Variants in UQCC1 observed in about 807,000 individuals in gnomAD.
UQCC1 encodes bFGF-repressed Zic-binding protein.
UQCC1 carries 38 observed loss-of-function variants against 48.0 expected under a neutral mutation model. The ratio of observed to expected loss-of-function variants is 0.79; its 90% CI spans 0.61 to 1.04. The LOEUF (loss-of-function observed/expected upper bound fraction) is 1.04. UQCC1 is among the 50% of genes least tolerant of loss of function. UQCC1 has a pLI of 0.00. For missense variants in UQCC1, 368 were observed against 381.8 expected, an observed-to-expected ratio of 0.96 and a Z score of 0.30; for synonymous variants, 111 against 129.2, an observed-to-expected ratio of 0.86 and a Z score of 0.95.
At chr20:35,398,648 A>G (rs2062115615) in intron 1 of UQCC1, among the ~76,000 whole-genome samples, 1 of 150,176 alleles carries the variant, frequency 6.7e-6, no homozygotes, top group Non-Finnish European at 1.5e-5. Context: ...GTTTTGTTTT[A>G]CAAACACTGA....
At chr20:35,322,134 T>G (rs2061138018) in intron 7 of UQCC1, among the ~76,000 whole-genome samples, 1 of 152,194 alleles carries the variant, frequency 6.6e-6, no homozygotes, top group Non-Finnish European at 1.5e-5. Context: ...CTTTTTGTAG[T>G]ATTCCACATG....
intron 6 of UQCC1, among the ~76,000 whole-genome samples, chr20:35,361,141 C>G (rs1192325659): frequency 6.6e-6 from 1 of 151,926 alleles, no homozygotes; most frequent in Non-Finnish European, 1.5e-5. Context: ...GTGAAGCAAG[C>G]AGGTCATTCC....
intron 6 of UQCC1, among the ~76,000 whole-genome samples, chr20:35,351,041 TCAAAA>T (rs2061484918): frequency 6.7e-6 from 1 of 148,722 alleles, no homozygotes; most frequent in Non-Finnish European, 1.5e-5. Context: ...GACTCTTGTC[TCAAAA>T]CAAAAAAACA....
In UQCC1 at chr20:35,347,153, C is replaced by G; in HGVS notation, c.573+11G>C. On this transcript the variant is annotated intron_variant, in intron 7 of 9. Coordinates refer to ENST00000374385, the MANE Select transcript of UQCC1 (RefSeq NM_018244.5). The stretch of plus-strand genomic sequence containing the variant: ...ATTGTCCAGGACAAGCATCTGACAG[C>G]ACTCACTTACCCCCATGACTCTGCC... The G allele has an allele frequency of 6.2e-7, 1 of 1,614,166 alleles. No homozygotes were observed. The highest frequency in any genetic ancestry group is 1.3e-5 in the African/African-American group (1 of 75,032).
chr20:35,404,003 C>G (rs1164834309), intron 1 of UQCC1, among the ~76,000 whole-genome samples: 4 of 151,924 alleles, frequency 2.6e-5, no homozygotes, highest in African/African-American at 9.7e-5. Flanking sequence ...TTTGGGAGGC[C>G]GAGGAGGGCG....
At chr20:35,336,847 G>C (rs1430238257) in intron 7 of UQCC1, among the ~76,000 whole-genome samples, 1 of 152,128 alleles carries the variant, frequency 6.6e-6, no homozygotes, top group East Asian at 1.9e-4. Context: ...CTTGTAAAGT[G>C]CATGAAAAAA....
intron 6 of UQCC1, among the ~76,000 whole-genome samples, chr20:35,364,332 G>A (rs2146434739): frequency 6.6e-6 from 1 of 152,252 alleles, no homozygotes; most frequent in Non-Finnish European, 1.5e-5. Flanking sequence ...CTGTGTCTTG[G>A]GCACAGCATT....
intron 6 of UQCC1, among the ~76,000 whole-genome samples, chr20:35,348,535 G>A (rs6142351): frequency 0.52 from 79,284 of 151,804 alleles, 22,362 homozygotes; most frequent in East Asian, 0.71. Context: ...GACTACAGGC[G>A]CCTGCCACCA....
chr20:35,331,422 G>A (rs1160149098), intron 7 of UQCC1, among the ~76,000 whole-genome samples: 1 of 150,666 alleles, frequency 6.6e-6, no homozygotes, highest in African/African-American at 2.4e-5. Flanking sequence ...AAAAAGCTAC[G>A]GTGAACAGAG....
intron 1 of UQCC1, among the ~76,000 whole-genome samples, chr20:35,397,988 A>G (rs1372324548): frequency 1.3e-5 from 2 of 152,210 alleles, no homozygotes; most frequent in Non-Finnish European, 2.9e-5. Flanking sequence ...AAACTTCACA[A>G]TCACCACTCA....
intron 1 of UQCC1, among the ~76,000 whole-genome samples, chr20:35,400,093 T>G (rs2062140962): frequency 6.6e-6 from 1 of 151,844 alleles, no homozygotes. Flanking sequence ...GCCCAGCTAA[T>G]TTTTGTATTT....
chr20:35,355,120 A>ACAG (rs1455004189), intron 6 of UQCC1, among the ~76,000 whole-genome samples: 1 of 152,190 alleles, frequency 6.6e-6, no homozygotes, highest in African/African-American at 2.4e-5. Context: ...ACCCACCTAG[A>ACAG]CAGGGACAGA....
chr20:35,377,842 A>C (rs2061820150), intron 4 of UQCC1, among the ~76,000 whole-genome samples: 1 of 152,226 alleles, frequency 6.6e-6, no homozygotes, highest in Non-Finnish European at 1.5e-5. Flanking sequence ...ATTCATCACA[A>C]ACAATGAAGA....
chr20:35,366,607 C>T lies in UQCC1; in HGVS notation c.414G>A (p.Gln138=), dbSNP rs761769644. 1 of 1,613,672 alleles carries T rather than the reference C, an allele frequency of 6.2e-7. No homozygotes were observed. Among genetic ancestry groups the T allele is most frequent in the Non-Finnish European group, 8.5e-7 (1 of 1,179,676 alleles). ...ACCATGAATTGAATGTATCAGGCATCTGACACCCTAGAAAATAACAATAAG... is the reference window on the plus strand; with the variant it reads ...ACCATGAATTGAATGTATCAGGCATTTGACACCCTAGAAAATAACAATAAG... ...TDFEEFFLRC[Q]MPDTFNSWFL... is the part of the protein sequence containing the mutation. Residue 138 remains glutamine, a synonymous_variant, in exon 6 of 10, where the codon CAG becomes CAA. Transcript: ENST00000374385.
intron 6 of UQCC1, among the ~76,000 whole-genome samples, chr20:35,365,376 T>G (rs1455540053): frequency 1.3e-5 from 2 of 152,118 alleles, no homozygotes; most frequent in Non-Finnish European, 2.9e-5. Context: ...TAGCATAGGC[T>G]GGGCACGGTG....
chr20:35,360,370 C>G (rs1446074918), intron 6 of UQCC1, among the ~76,000 whole-genome samples: 2 of 152,192 alleles, frequency 1.3e-5, no homozygotes, highest in African/African-American at 4.8e-5. Flanking sequence ...GTGCAGTTCT[C>G]TGGCTGCGCT....
intron 7 of UQCC1, among the ~76,000 whole-genome samples, chr20:35,338,856 GAAAAAA>G (rs1172467457): frequency 7.5e-4 from 20 of 26,836 alleles, no homozygotes; most frequent in African/African-American, 5.0e-3. Flanking sequence ...CGTCTCAAAA[GAAAAAA>G]AAAAAAAAAA....
chr20:35,360,833 G>A (rs888194434), intron 6 of UQCC1, among the ~76,000 whole-genome samples: 7 of 152,158 alleles, frequency 4.6e-5, no homozygotes, highest in Non-Finnish European at 8.8e-5. Flanking sequence ...AATGTTTGCT[G>A]TGCTCATATG....
rs1283902223 is a variant in UQCC1 at position 35,306,869 on chromosome 20, T to C, written c.652-90A>G. 8 of 1,040,332 alleles carry C rather than the reference T, an allele frequency of 7.7e-6. 1 individual carries two copies. The highest frequency in any genetic ancestry group is 2.6e-5 in the South Asian group (2 of 78,156). 64.4% of individuals were successfully genotyped at this position (1,040,332 alleles called of 1,614,324 possible). ...GATACTATGAACATGCTAGCAACCA[T>C]GGAATCAGCTCAGAAGGGCCCTCCA... On this transcript the variant is annotated intron_variant, in intron 8 of 9. Transcript: ENST00000374385.
Sources: allele counts gnomAD v4.1 joint callset (sites outside exome capture counted in the v4.1 genomes callset), GRCh38; gene constraint gnomAD v4.1.1; transcripts MANE v1.5; gene names NCBI Gene and HGNC (gene_info 2026-07-23, HGNC 2026-07-21).